The following MAPKAPK3 variants were observed in gnomAD, a reference collection of about 807,000 sequenced individuals.
MAPKAPK3 encodes the protein MAPK activated protein kinase 3.
In MAPKAPK3, 35 loss-of-function variants were observed where a neutral mutation model predicts 49.2. That is an observed-to-expected ratio of 0.71 (90% CI 0.54 to 0.94). MAPKAPK3 has a LOEUF of 0.94. Ranked by LOEUF, MAPKAPK3 falls within the 40% of genes least tolerant of loss-of-function variation. The probability of loss-of-function intolerance (pLI) is 0.00; values close to 1 mark genes in which losing one functional copy is unlikely to be tolerated. For missense variants in MAPKAPK3, 398 were observed against 493.1 expected (o/e 0.81, Z 1.83); for synonymous variants, 178 against 188.7 (o/e 0.94, Z 0.46).
exon 1 of MAPKAPK3, chr3:50,611,927 G>A (rs1199706157): frequency 4.5e-6 from 2 of 442,394 alleles, no homozygotes; most frequent in East Asian, 3.6e-5. Context: ...GGTGGGGCCC[G>A]GGCGGGGTGC....
chr3:50,643,788 C>T (rs904290975), intron 5 of MAPKAPK3, among the ~76,000 whole-genome samples: 6 of 152,018 alleles, frequency 3.9e-5, no homozygotes, highest in East Asian at 1.9e-4. Context: ...CCTTCTACCC[C>T]GGCTCTGCTT....
At chr3:50,611,646 ACCATGTCC>A, upstream of MAPKAPK3, 1 of 1,496,358 alleles carries the variant, frequency 6.7e-7, no homozygotes, top group South Asian at 1.3e-5. Flanking sequence ...AACGCAGAGG[ACCATGTCC>A]CCGCGGCAGC....
chr3:50,615,346 T>C (rs1265784175), upstream of MAPKAPK3, among the ~76,000 whole-genome samples: 2 of 152,186 alleles, frequency 1.3e-5, no homozygotes, highest in East Asian at 3.8e-4. Flanking sequence ...TGTATCTGTG[T>C]GCATGTGTGT....
chr3:50,643,878 C>T (rs1464755432), intron 5 of MAPKAPK3, among the ~76,000 whole-genome samples: 1 of 152,186 alleles, frequency 6.6e-6, no homozygotes, highest in Middle Eastern at 3.4e-3. Flanking sequence ...ACAGACCTCC[C>T]TACTGCCCTC....
At chr3:50,611,764 G>T, upstream of MAPKAPK3, 1 of 1,350,422 alleles carries the variant, frequency 7.4e-7, no homozygotes, top group Admixed American at 3.9e-5. Context: ...CGCGGGCGCA[G>T]GACAGGGACT....
At position 50,617,769 on chromosome 3, in the gene MAPKAPK3, GA is replaced by G. The variant is rs1455967341; in HGVS notation, c.206del (p.Lys69SerfsTer4). 1 of 1,613,308 alleles carries G rather than the reference GA, an allele frequency of 6.2e-7. No individual in the cohort carries two copies. The highest frequency in any genetic ancestry group is 8.5e-7 in the Non-Finnish European group (1 of 1,179,894). ...AGTGCTTCCATCGGCGCACTGGACA[GA>G]AGTGTGCCCTGAAGGTCAGTGAGCC... is the stretch of plus-strand genomic sequence containing the variant. The part of the protein sequence containing the change: ...LECFHRRTGQ[K>X]CALKLLYDSP... On this transcript the variant is annotated frameshift_variant, in exon 2 of 11. Coordinates refer to ENST00000621469, the MANE Select transcript of MAPKAPK3 (RefSeq NM_001243925.2). LOFTEE classifies it high-confidence loss of function.
At chr3:50,611,928 G>T in exon 1 of MAPKAPK3, 1 of 440,490 alleles carries the variant, frequency 2.3e-6, no homozygotes, top group Non-Finnish European at 3.9e-6. Context: ...GTGGGGCCCG[G>T]GCGGGGTGCG....
chr3:50,621,186 G>GGT (rs1394713408), intron 2 of MAPKAPK3, among the ~76,000 whole-genome samples: 1 of 152,162 alleles, frequency 6.6e-6, no homozygotes. Context: ...GGCTGGGTGC[G>GGT]GTGGCTTGTG....
intron 6 of MAPKAPK3, among the ~76,000 whole-genome samples, chr3:50,644,801 T>A (rs1437822534): frequency 1.3e-5 from 2 of 152,232 alleles, no homozygotes. Context: ...TAAATATATA[T>A]GTGATAAAAG....
In MAPKAPK3 at chr3:50,646,728, T is replaced by C. The variant is rs766329965; in HGVS notation, c.830-12T>C. 3 of 1,613,288 alleles carry C rather than the reference T, an allele frequency of 1.9e-6. No homozygotes were observed. The highest frequency in any genetic ancestry group is 1.1e-5 in the South Asian group (1 of 91,048). ...AATCTCATCTCTCCCCTCTCTTCCC[T>C]GGCCCCCCTAGCCAAGCAGCTGATC... On this transcript the variant is annotated splice_polypyrimidine_tract_variant and intron_variant, in intron 8 of 10. Coordinates refer to ENST00000621469, the MANE Select transcript of MAPKAPK3 (RefSeq NM_001243925.2).
chr3:50,640,258 C>T, intron 2 of MAPKAPK3, 108 bp from the exon 3 acceptor site: 1 of 1,061,520 alleles, frequency 9.4e-7, no homozygotes, highest in Non-Finnish European at 1.4e-6. Flanking sequence ...TCCTTATAAG[C>T]TGTGTGACCT....
intron 2 of MAPKAPK3, among the ~76,000 whole-genome samples, chr3:50,636,034 C>T (rs2033033114): frequency 6.6e-6 from 1 of 151,726 alleles, no homozygotes; most frequent in Non-Finnish European, 1.5e-5. Context: ...ATCATTGAGC[C>T]CAGGAGATCA....
upstream of MAPKAPK3, chr3:50,612,971 G>A (rs948999451): frequency 6.6e-6 from 1 of 152,208 alleles, no homozygotes; most frequent in African/African-American, 2.4e-5. Context: ...CTCTGAATCA[G>A]AAGCCCACGC....
intron 2 of MAPKAPK3, among the ~76,000 whole-genome samples, chr3:50,637,822 T>G (rs1175319018): frequency 6.6e-6 from 1 of 151,922 alleles, no homozygotes; most frequent in Non-Finnish European, 1.5e-5. Context: ...GAGGCAAGAA[T>G]GCACATGACA....
intron 2 of MAPKAPK3, 40 bp downstream of exon 2, chr3:50,617,824 GT>G (rs2032511306): frequency 1.3e-6 from 2 of 1,518,068 alleles, no homozygotes; most frequent in Non-Finnish European, 1.8e-6. Flanking sequence ...ATCCTGGAGG[GT>G]CCACAGCGGA....
chr3:50,634,048 G>A (rs2032974666), intron 2 of MAPKAPK3, among the ~76,000 whole-genome samples: 2 of 152,326 alleles, frequency 1.3e-5, no homozygotes, highest in African/African-American at 2.4e-5. Flanking sequence ...GTCAGTAGGG[G>A]TCTTGGCCTT....
chr3:50,647,295 G>C, intron 10 of MAPKAPK3, 92 bp downstream of exon 10: 1 of 1,048,142 alleles, frequency 9.5e-7, no homozygotes, highest in Admixed American at 2.1e-5. Flanking sequence ...TGGGGTCTTT[G>C]GCCCCTTTCT....
intron 2 of MAPKAPK3, among the ~76,000 whole-genome samples, chr3:50,620,975 A>G (rs1384934875): frequency 6.6e-6 from 1 of 152,184 alleles, no homozygotes. Context: ...TTACCCCACC[A>G]CATCCAAGAT....
intron 6 of MAPKAPK3, 45 bp downstream of exon 6, chr3:50,644,577 A>G: frequency 6.2e-7 from 1 of 1,608,292 alleles, no homozygotes; most frequent in African/African-American, 1.3e-5. Context: ...CCCAACTTAT[A>G]CAGCTGTATT....
Sources: allele counts gnomAD v4.1 joint callset (sites outside exome capture counted in the v4.1 genomes callset), GRCh38; gene constraint gnomAD v4.1.1; transcripts MANE v1.5; gene names NCBI Gene and HGNC (gene_info 2026-07-23, HGNC 2026-07-21).